WFS1: variants seen among roughly 807,000 people sequenced by gnomAD.
The protein encoded by WFS1 is wolframin.
In WFS1, 90 loss-of-function variants were observed where a neutral mutation model predicts 68.5. The observed-to-expected ratio is 1.31, with a 90% confidence interval of 1.11 to 1.56. The LOEUF is 1.56. WFS1 is among the 40% of genes most tolerant of loss of function. The probability of loss-of-function intolerance (pLI) is 0.00; values close to 1 mark genes in which losing one functional copy is unlikely to be tolerated. For missense variants in WFS1, 1,767 were observed against 1,232.6 expected, an observed-to-expected ratio of 1.43 and a Z score of -6.49; for synonymous variants, 860 against 540.7, an observed-to-expected ratio of 1.59 and a Z score of -8.19.
intron 2 of WFS1, among the ~76,000 whole-genome samples, chr4:6,278,188 G>A (rs1477254110): frequency 6.6e-6 from 1 of 152,186 alleles, no homozygotes; most frequent in Non-Finnish European, 1.5e-5. Context: ...TTCACAGGCA[G>A]AGCTGACTGA....
intron 6 of WFS1, 56 bp downstream of exon 6, chr4:6,292,053 C>T (rs113513753): frequency 1.9e-5 from 28 of 1,503,210 alleles, no homozygotes; most frequent in Middle Eastern, 2.1e-4. Context: ...ACCTGCAGGG[C>T]GACCTCTCCT....
chr4:6,300,124 C>A (rs1197502818), intron 7 of WFS1, among the ~76,000 whole-genome samples: 3 of 152,092 alleles, frequency 2.0e-5, no homozygotes, highest in African/African-American at 7.2e-5. Context: ...GCACTGAACT[C>A]CCTTTCCCTA....
chr4:6,280,963 C>G (rs905734507), intron 2 of WFS1, among the ~76,000 whole-genome samples: 2 of 152,212 alleles, frequency 1.3e-5, no homozygotes, highest in African/African-American at 4.8e-5. Context: ...CCGCCTTGAC[C>G]AGGGAATCAC....
At chr4:6,296,411 C>T (rs1313411933) in intron 7 of WFS1, among the ~76,000 whole-genome samples, 1 of 152,184 alleles carries the variant, frequency 6.6e-6, no homozygotes, top group Non-Finnish European at 1.5e-5. Flanking sequence ...GGCTGTATGT[C>T]CAGGGTATGA....
At chr4:6,294,481 G>C (rs189342656) in intron 6 of WFS1, among the ~76,000 whole-genome samples, 1 of 30,136 alleles carries the variant, frequency 3.3e-5, no homozygotes, top group Admixed American at 5.3e-4. Context: ...GGAGGTGTCA[G>C]CAGGCACATA....
intron 7 of WFS1, among the ~76,000 whole-genome samples, chr4:6,297,442 C>T (rs1311086285): frequency 1.3e-5 from 2 of 152,210 alleles, no homozygotes; most frequent in East Asian, 1.9e-4. Flanking sequence ...CTTCTGGAGC[C>T]TGGAGGTGCA....
intron 3 of WFS1, chr4:6,288,672 C>T (rs1296170943): frequency 4.6e-6 from 2 of 431,878 alleles, no homozygotes; most frequent in Non-Finnish European, 8.7e-6. Context: ...GTTCTGATTT[C>T]CATGCATTGA....
chr4:6,287,031 C>A lies in WFS1; in HGVS notation c.233-62C>A. ...GAAGACCCTCATGCCTTGTCCCCTC[C>A]ATCCTGACAAGTGACAAAGTCTGGC... On this transcript the variant is annotated intron_variant, in intron 2 of 7. Coordinates refer to ENST00000226760, the MANE Select transcript of WFS1 (RefSeq NM_006005.3). The surrounding 1 kb of genome is among the most constrained non-coding windows in gnomAD (Gnocchi z 6.4). 1 of 1,448,712 alleles carries A rather than the reference C, an allele frequency of 6.9e-7. No individual in the cohort carries two copies. Among genetic ancestry groups the A allele is most frequent in the Non-Finnish European group, 9.5e-7 (1 of 1,053,354 alleles). 89.7% of individuals were successfully genotyped at this position (1,448,712 alleles called of 1,614,324 possible).
intron 1 of WFS1, among the ~76,000 whole-genome samples, chr4:6,273,082 C>G (rs1283359972): frequency 1.3e-5 from 2 of 152,234 alleles, no homozygotes; most frequent in Non-Finnish European, 2.9e-5. Context: ...TCTTGGCTTC[C>G]CACAGGGGCT....
In WFS1 at chr4:6,277,460, A is replaced by T; in HGVS notation, c.5A>T (p.Asp2Val). The T allele has an allele frequency of 6.4e-7, 1 of 1,554,012 alleles. No individual in the cohort carries two copies. Among genetic ancestry groups the T allele is most frequent in the Non-Finnish European group, 8.7e-7 (1 of 1,148,838 alleles). M[D>V]SNTAPLGPSC... ...TTGACTTTTCTTCCAGGCAGGATGG[A>T]CTCCAACACTGCTCCGCTGGGCCCC... Residue 2 changes from aspartate (D) to valine (V), a missense_variant, in exon 2 of 8, where the codon GAC becomes GTC. Transcript: ENST00000226760.
intron 1 of WFS1, among the ~76,000 whole-genome samples, chr4:6,273,073 C>T (rs1446062992): frequency 6.6e-6 from 1 of 152,246 alleles, no homozygotes. Context: ...TGAACATCAT[C>T]TTGGCTTCCC....
chr4:6,272,085 G>C (rs12499173), intron 1 of WFS1, among the ~76,000 whole-genome samples: 4,490 of 152,338 alleles, frequency 0.029, 108 homozygotes, highest in Non-Finnish European at 0.04. Context: ...TCCTCCTGCA[G>C]GATTTCTGGC....
intron 2 of WFS1, among the ~76,000 whole-genome samples, chr4:6,282,292 T>C (rs892599278): frequency 6.6e-6 from 1 of 152,222 alleles, no homozygotes; most frequent in Non-Finnish European, 1.5e-5. Flanking sequence ...CTTCCCCATG[T>C]GGGGGATGCG....
At chr4:6,280,167 G>A (rs1214075266) in intron 2 of WFS1, among the ~76,000 whole-genome samples, 1 of 152,254 alleles carries the variant, frequency 6.6e-6, no homozygotes, top group African/African-American at 2.4e-5. Context: ...CCTCATGGCA[G>A]CCCTGAGAGG....
rs778958194 is a variant in WFS1, at chr4:6,301,959, A to C, written c.2164A>C (p.Met722Leu). 3 of 1,612,658 alleles carry C rather than the reference A, an allele frequency of 1.9e-6. No homozygotes were observed. The highest frequency in any genetic ancestry group is 2.7e-5 in the African/African-American group (2 of 74,926). The change falls in exon 8 of 8, where the codon ATG becomes CTG. Residue 722 changes from methionine (M) to leucine (L), a missense_variant. By Grantham distance (15) the Met-to-Leu change is conservative (BLOSUM62 2). Coordinates refer to ENST00000226760, the MANE Select transcript of WFS1 (RefSeq NM_006005.3). ...IDNSAESAIN[M>L]LPFFIGDWMR... is the part of the protein sequence containing the mutation. ...CAACAGCGCCGAGTCTGCCATCAACATGCTCCCGTTCTTCATCGGCGACTG... is the reference window on the plus strand; with the variant it reads ...CAACAGCGCCGAGTCTGCCATCAACCTGCTCCCGTTCTTCATCGGCGACTG...
chr4:6,301,147 C>G lies in WFS1; in HGVS notation c.1352C>G (p.Ala451Gly). The change falls in exon 8 of 8, where the codon GCA becomes GGA. Residue 451 changes from alanine (A) to glycine (G), a missense_variant. Transcript: ENST00000226760. ...VTSYLSLSTH[A>G]EPYTRRALAT... ...AGCTACCTGAGCCTGAGCACCCATG[C>G]AGAGCCCTACACGCGCAGGGCCCTG... 6.2e-7 allele frequency: 1 copy of G among 1,613,110 alleles called. No homozygotes were observed. The highest frequency in any genetic ancestry group is 8.5e-7 in the Non-Finnish European group (1 of 1,180,002).
chr4:6,280,153 G>T (rs1201331127), intron 2 of WFS1, among the ~76,000 whole-genome samples: 3 of 152,210 alleles, frequency 2.0e-5, no homozygotes, highest in African/African-American at 7.2e-5. Flanking sequence ...GCCAGGGCGG[G>T]ACTCCTCATG....
intron 1 of WFS1, among the ~76,000 whole-genome samples, chr4:6,271,556 C>T (rs1729844094): frequency 6.6e-6 from 1 of 152,192 alleles, no homozygotes; most frequent in South Asian, 2.1e-4. Context: ...TACACGGCTC[C>T]CCTCCCCTCC....
chr4:6,287,064 CAT>C lies in WFS1; in HGVS notation c.233-28_233-27del, dbSNP rs71530920. The stretch of plus-strand genomic sequence containing the variant: ...CAAGTGACAAAGTCTGGCTTTGTGA[CAT>C]GTGTGTTTGTTTCTTCTGTGTTAAA... On this transcript the variant is annotated intron_variant, in intron 2 of 7. Coordinates refer to ENST00000226760, the MANE Select transcript of WFS1 (RefSeq NM_006005.3). This position sits in a 1 kb window ranked among gnomAD's most constrained non-coding sequence, Gnocchi z 6.4. The C allele has an allele frequency of 5.4e-5, 84 of 1,545,650 alleles. No individual in the cohort carries two copies. The highest frequency in any genetic ancestry group is 1.8e-4 in the Admixed American group (9 of 51,008).
Sources: allele counts gnomAD v4.1 joint callset (sites outside exome capture counted in the v4.1 genomes callset), GRCh38; gene constraint gnomAD v4.1.1; non-coding constraint Gnocchi (gnomAD v3.1); transcripts MANE v1.5; gene names NCBI Gene and HGNC (gene_info 2026-07-23, HGNC 2026-07-21).